SCNN1B: variants seen among roughly 807,000 people sequenced by gnomAD.
SCNN1B encodes the protein epithelial sodium channel subunit beta.
SCNN1B carries 46 observed loss-of-function variants against 65.3 expected under a neutral mutation model. That is an observed-to-expected ratio of 0.70 (90% confidence interval 0.56 to 0.90). SCNN1B has a LOEUF of 0.90. Ranked by LOEUF, SCNN1B falls within the 40% of genes least tolerant of loss-of-function variation. The pLI is 0.00. For synonymous variants in SCNN1B, 349 were observed against 330.6 expected (o/e 1.06, Z -0.60); for missense variants, 751 against 830.5 (o/e 0.90, Z 1.18).
At chr16:23,370,999 G>A (rs28569117) in intron 5 of SCNN1B, among the ~76,000 whole-genome samples, 1,552 of 152,336 alleles carry the variant, frequency 0.01, 23 homozygotes, top group African/African-American at 0.035. Context: ...GTGAGGTGGG[G>A]TGGCATGGGT....
intron 1 of SCNN1B, among the ~76,000 whole-genome samples, chr16:23,344,126 C>CA (rs1962137061): frequency 1.3e-5 from 2 of 152,184 alleles, no homozygotes; most frequent in South Asian, 2.1e-4. Flanking sequence ...ATCAATTCCC[C>CA]TTTTTTTACT....
At chr16:23,365,611 A>AAGAGAGAGAGAGAGAGAG in intron 4 of SCNN1B, among the ~76,000 whole-genome samples, 1 of 68,254 alleles carries the variant, frequency 1.5e-5, no homozygotes, top group African/African-American at 5.0e-5. Context: ...GAAAGAAAGA[A>AAGAGAGAGAGAGAGAGAG]AGAAAGAAAA....
chr16:23,339,644 C>T (rs769215519), intron 1 of SCNN1B, among the ~76,000 whole-genome samples: 3 of 151,738 alleles, frequency 2.0e-5, no homozygotes, highest in Non-Finnish European at 4.4e-5. Flanking sequence ...CGACTCACTG[C>T]AACCTCTACC....
intron 1 of SCNN1B, among the ~76,000 whole-genome samples, chr16:23,331,641 C>A (rs1021165394): frequency 1.1e-4 from 17 of 152,216 alleles, no homozygotes; most frequent in Admixed American, 1.1e-3. Context: ...TTTATAAGTA[C>A]ACTAATCCCA....
chr16:23,365,486 GAAGAA>G (rs1404962318), intron 4 of SCNN1B, among the ~76,000 whole-genome samples: 2 of 136,420 alleles, frequency 1.5e-5, no homozygotes, highest in African/African-American at 2.7e-5. Context: ...GAAAGAAAAA[GAAGAA>G]AAGAAAGAAA....
rs567550731 is a variant in SCNN1B at position 23,375,632 on chromosome 16, C to T, written c.1153-106C>T. ...TGGAGCACCTCCACCAGCTCACCTA[C>T]CTCCCTTAACTTGGGCATCACTTCT... On this transcript the variant is annotated intron_variant, in intron 7 of 12. Coordinates refer to ENST00000343070, the MANE Select transcript of SCNN1B (RefSeq NM_000336.3). 1.2e-5 allele frequency: 10 copies of T among 834,372 alleles called. No individual in the cohort carries two copies. The South Asian group carries it at 1.2e-4, about 10-fold the overall frequency. 51.7% of individuals were successfully genotyped at this position (834,372 alleles called of 1,614,324 possible).
chr16:23,346,050 A>C (rs1169963691), intron 1 of SCNN1B, among the ~76,000 whole-genome samples: 1 of 152,080 alleles, frequency 6.6e-6, no homozygotes, highest in Non-Finnish European at 1.5e-5. Context: ...GGTGGTCTTC[A>C]CAAGAACCTG....
At chr16:23,346,234 C>T (rs149541139) in intron 1 of SCNN1B, among the ~76,000 whole-genome samples, 13,171 of 75,716 alleles carry the variant, frequency 0.17, 1,437 homozygotes, top group African/African-American at 0.47. Context: ...TTTTTTGAGA[C>T]GGAGTCTCAC....
chr16:23,323,147 G>A (rs2141995717), intron 1 of SCNN1B, among the ~76,000 whole-genome samples: 1 of 152,056 alleles, frequency 6.6e-6, no homozygotes, highest in East Asian at 1.9e-4. Context: ...GCAGTGAGCT[G>A]AGATCACAGC....
chr16:23,346,696 C>T (rs537013498), intron 1 of SCNN1B, among the ~76,000 whole-genome samples: 1 of 133,886 alleles, frequency 7.5e-6, no homozygotes, highest in Non-Finnish European at 1.6e-5. Flanking sequence ...CCCTCCCCAC[C>T]CCTGCAGGCT....
At chr16:23,303,074 GC>G (rs1436605678) in intron 1 of SCNN1B, among the ~76,000 whole-genome samples, 1 of 152,168 alleles carries the variant, frequency 6.6e-6, no homozygotes, top group Non-Finnish European at 1.5e-5. Context: ...AGATCCGAAC[GC>G]CCTGCAGTTG....
intron 7 of SCNN1B, among the ~76,000 whole-genome samples, chr16:23,375,442 C>T (rs942865622): frequency 6.6e-6 from 1 of 152,166 alleles, no homozygotes; most frequent in African/African-American, 2.4e-5. Flanking sequence ...CGCTCTTCCC[C>T]ATGTTGAAGG....
chr16:23,314,891 G>T (rs1056481074), intron 1 of SCNN1B, among the ~76,000 whole-genome samples: 1 of 152,216 alleles, frequency 6.6e-6, no homozygotes, highest in Non-Finnish European at 1.5e-5. Context: ...TCCCTCCCAA[G>T]GTTTTGGATC....
At chr16:23,375,693 G>A in intron 7 of SCNN1B, 45 bp from the exon 8 acceptor site, 1 of 1,352,544 alleles carries the variant, frequency 7.4e-7, no homozygotes, top group Non-Finnish European at 1.1e-6. Context: ...GGACATCACT[G>A]ACCATGCCTG....
intron 1 of SCNN1B, among the ~76,000 whole-genome samples, chr16:23,341,485 T>C (rs1257780977): frequency 2.0e-5 from 3 of 152,148 alleles, no homozygotes; most frequent in Admixed American, 6.6e-5. Context: ...AAACTTTTGT[T>C]CTTCAAAGGA....
chr16:23,327,408 C>T (rs931008668), intron 1 of SCNN1B, among the ~76,000 whole-genome samples: 2 of 152,040 alleles, frequency 1.3e-5, no homozygotes, highest in African/African-American at 4.8e-5. Context: ...TGGTGCACGC[C>T]TGTAATCCCA....
rs35731153 is a variant in SCNN1B at position 23,348,844 on chromosome 16, C to G, written c.245C>G (p.Ser82Cys). 11,582 of 1,614,162 alleles carry G rather than the reference C, an allele frequency of 7.2e-3. 63 individuals are homozygous for G. Among genetic ancestry groups the G allele is most frequent in the Non-Finnish European group, 8.6e-3 (10,141 of 1,180,028 alleles). ...RTYLSWEVSV[S>C]LSVGFKTMDF... ...TACTTGAGCTGGGAGGTCAGCGTCT[C>G]CCTCTCCGTAGGCTTCAAGACCATG... The change falls in exon 2 of 13, where the codon TCC (serine) becomes TGC (cysteine). Residue 82 changes from serine (S) to cysteine (C), a missense_variant. By Grantham distance (112) the Ser-to-Cys change is moderately radical. Coordinates refer to ENST00000343070, the MANE Select transcript of SCNN1B (RefSeq NM_000336.3). This position sits in a 1 kb window ranked among gnomAD's most constrained non-coding sequence, Gnocchi z 4.5.
intron 2 of SCNN1B, among the ~76,000 whole-genome samples, chr16:23,292,444 G>A (rs370178693): frequency 4.0e-5 from 6 of 151,716 alleles, no homozygotes; most frequent in Non-Finnish European, 4.4e-5. Context: ...TGATCCGCCC[G>A]CCTTGGCCTC....
upstream of SCNN1B, among the ~76,000 whole-genome samples, chr16:23,302,085 G>T (rs1446271221): frequency 3.3e-5 from 5 of 152,166 alleles, no homozygotes; most frequent in Non-Finnish European, 7.4e-5. Context: ...TGTGGGTATC[G>T]CTGGTGTCCC....
Sources: allele counts gnomAD v4.1 joint callset (sites outside exome capture counted in the v4.1 genomes callset), GRCh38; gene constraint gnomAD v4.1.1; non-coding constraint Gnocchi (gnomAD v3.1); transcripts MANE v1.5; gene names NCBI Gene and HGNC (gene_info 2026-07-23, HGNC 2026-07-21).